NOC3L: variants seen among roughly 807,000 people sequenced by gnomAD.
NOC3L encodes NOC3 like DNA replication regulator.
In NOC3L, 85 loss-of-function variants were observed where a neutral mutation model predicts 102.5. The observed-to-expected ratio is 0.83, with a 90% CI of 0.70 to 0.99. The LOEUF is 0.99. Among genes scored for constraint, NOC3L ranks in the 50% least tolerant of loss-of-function variants. NOC3L has a pLI of 0.00. For missense variants in NOC3L, 878 were observed against 914.9 expected, an observed-to-expected ratio of 0.96 and a Z score of 0.52; for synonymous variants, 303 against 309.4, an observed-to-expected ratio of 0.98 and a Z score of 0.22.
At chr10:94,329,255 T>C (rs373089959), downstream of NOC3L, 12 of 152,372 alleles carry the variant, frequency 7.9e-5, 1 homozygote, top group South Asian at 2.5e-3. Context: ...TAAAGGATTC[T>C]TCATATTCTT....
intron 2 of NOC3L, 170 bp downstream of exon 2, chr10:94,361,495 T>C: frequency 4.9e-6 from 3 of 615,402 alleles, no homozygotes; most frequent in Non-Finnish European, 8.6e-6. Flanking sequence ...TCATACTGAC[T>C]GTGATAAAGC....
intron 11 of NOC3L, 93 bp from the exon 12 acceptor site, chr10:94,345,026 A>G: frequency 1.3e-6 from 1 of 766,500 alleles, no homozygotes; most frequent in Non-Finnish European, 2.1e-6. Flanking sequence ...AAACACATAC[A>G]GTAATACCAC....
At chr10:94,357,884 AAAAG>A in intron 3 of NOC3L, 195 bp downstream of exon 3, 3 of 550,922 alleles carry the variant, frequency 5.4e-6, no homozygotes. Context: ...ATTCAGACTC[AAAAG>A]AAAGATGTAC....
At chr10:94,340,949 C>G (rs1001098577) in intron 14 of NOC3L, among the ~76,000 whole-genome samples, 8 of 150,318 alleles carry the variant, frequency 5.3e-5, no homozygotes, top group Non-Finnish European at 1.2e-4. Context: ...CCACTGCACT[C>G]CAGCCTGGGT....
intron 2 of NOC3L, chr10:94,361,272 C>A: frequency 5.9e-6 from 1 of 170,196 alleles, no homozygotes; most frequent in Non-Finnish European, 1.3e-5. Context: ...AGAAGTGTAC[C>A]TTGGCAATAC....
chr10:94,338,688 C>T lies in NOC3L; in HGVS notation c.2011G>A (p.Gly671Arg), dbSNP rs1274993059. The T allele has an allele frequency of 1.9e-6, 3 of 1,613,302 alleles. No individual in the cohort carries two copies. The highest frequency in any genetic ancestry group is 8.5e-7 in the Non-Finnish European group (1 of 1,179,452). Residue 671 changes from glycine to arginine, a missense_variant, in exon 18 of 21, where the codon GGA becomes AGA. Gly to Arg is a moderately radical substitution (Grantham distance 125). Transcript: ENST00000371361. The part of the protein sequence containing the change: ...LLLDSESQGS[G>R]VFLPELDEPE... Reference sequence around the variant, plus strand: ...TCATCCAGTTCAGGAAGGAAAACTCCACTTCCCTGAGATTCACTGTCAAGC... The same window carrying T: ...TCATCCAGTTCAGGAAGGAAAACTCTACTTCCCTGAGATTCACTGTCAAGC...
chr10:94,359,360 A>G (rs1346122611), intron 2 of NOC3L, among the ~76,000 whole-genome samples: 1 of 151,870 alleles, frequency 6.6e-6, no homozygotes, highest in East Asian at 1.9e-4. Flanking sequence ...CCGTAGGCAG[A>G]GATTGCAATG....
At chr10:94,336,155 G>C (rs2054215132) in intron 19 of NOC3L, among the ~76,000 whole-genome samples, 1 of 152,078 alleles carries the variant, frequency 6.6e-6, no homozygotes, top group Non-Finnish European at 1.5e-5. Flanking sequence ...TATAGAAGAG[G>C]CTTCATGAAG....
chr10:94,338,216 T>C (rs1345529893), intron 18 of NOC3L, among the ~76,000 whole-genome samples: 3 of 152,208 alleles, frequency 2.0e-5, no homozygotes, highest in African/African-American at 7.2e-5. Flanking sequence ...ATGCTGTCCA[T>C]ACTGTAGGAT....
intron 6 of NOC3L, among the ~76,000 whole-genome samples, chr10:94,353,556 A>G (rs2054448140): frequency 6.6e-6 from 1 of 152,130 alleles, no homozygotes. Context: ...CACCCCTATA[A>G]TCTAAACACC....
intron 8 of NOC3L, among the ~76,000 whole-genome samples, chr10:94,350,871 A>G (rs2134002083): frequency 6.6e-6 from 1 of 152,250 alleles, no homozygotes; most frequent in East Asian, 1.9e-4. Flanking sequence ...CTCTAAGTAT[A>G]AAATACACTC....
At chr10:94,317,748 G>GA in the NOC3L span, among the ~76,000 whole-genome samples, 2 of 151,722 alleles carry the variant, frequency 1.3e-5, no homozygotes. Context: ...TTTTTTCCCT[G>GA]AATTAACTGA....
the NOC3L span, among the ~76,000 whole-genome samples, chr10:94,319,170 G>T: frequency 2.0e-5 from 3 of 152,120 alleles, no homozygotes; most frequent in Non-Finnish European, 4.4e-5. Flanking sequence ...AGGCTAACAA[G>T]ATTTTTCTGA....
intron 13 of NOC3L, among the ~76,000 whole-genome samples, chr10:94,344,124 T>C (rs1589568959): frequency 2.0e-5 from 3 of 152,150 alleles, no homozygotes; most frequent in South Asian, 4.1e-4. Flanking sequence ...CGATGGGCAA[T>C]TGACTACACA....
chr10:94,337,068 CAAAAA>C (rs577577956), intron 19 of NOC3L, among the ~76,000 whole-genome samples: 1 of 78,486 alleles, frequency 1.3e-5, no homozygotes. Context: ...GACTCCATCT[CAAAAA>C]AAAAAAAAAA....
chr10:94,342,436 A>G (rs1000492694), intron 13 of NOC3L, among the ~76,000 whole-genome samples: 18 of 152,144 alleles, frequency 1.2e-4, no homozygotes, highest in Non-Finnish European at 2.5e-4. Flanking sequence ...CTTATGAGTG[A>G]CATATTCCAT....
Position 94,358,101 on chromosome 10 carries a change from G to GT in NOC3L, c.331dup (p.Thr111AsnfsTer7). 2 of 1,596,100 alleles carry GT rather than the reference G, an allele frequency of 1.3e-6. No individual in the cohort carries two copies. The highest frequency in any genetic ancestry group is 1.7e-6 in the Non-Finnish European group (2 of 1,164,144). Reference sequence around the variant, plus strand: ...GTATTACCTAGAAGAAAGATCTCTTGTTAGAAAAGATACTCTTTGTCCTAA... The same window carrying GT: ...GTATTACCTAGAAGAAAGATCTCTTGTTTAGAAAAGATACTCTTTGTCCTAA... On this transcript the variant is annotated frameshift_variant, in exon 3 of 21. Transcript: ENST00000371361. LOFTEE classifies it high-confidence loss of function.
the NOC3L span, chr10:94,324,256 G>C: frequency 7.3e-6 from 7 of 962,572 alleles, no homozygotes; most frequent in African/African-American, 6.4e-5. Context: ...TCTCTAGTCT[G>C]GGCCATTTTT....
At chr10:94,319,799 G>A in the NOC3L span, among the ~76,000 whole-genome samples, 1 of 151,166 alleles carries the variant, frequency 6.6e-6, no homozygotes, top group East Asian at 1.9e-4. Flanking sequence ...TTCATAACCT[G>A]TGGCTTCGAA....
Sources: allele counts gnomAD v4.1 joint callset (sites outside exome capture counted in the v4.1 genomes callset), GRCh38; gene constraint gnomAD v4.1.1; transcripts MANE v1.5; gene names NCBI Gene and HGNC (gene_info 2026-07-23, HGNC 2026-07-21).